Variants in SLC16A10 observed in about 807,000 individuals in gnomAD.
SLC16A10 encodes solute carrier family 16 member 10, also known as monocarboxylate transporter 10.
SLC16A10 carries 27 observed loss-of-function variants against 40.0 expected under a neutral mutation model. The ratio of observed to expected loss-of-function variants is 0.67; its 90% confidence interval spans 0.50 to 0.93. The LOEUF is 0.93. SLC16A10 is among the 40% of genes least tolerant of loss of function. The probability of loss-of-function intolerance (pLI) is 0.00; values close to 1 mark genes in which losing one functional copy is unlikely to be tolerated. For synonymous variants in SLC16A10, 213 were observed against 249.8 expected (o/e 0.85, Z 1.39); for missense variants, 529 against 658.2 (o/e 0.80, Z 2.15).
intron 1 of SLC16A10, among the ~76,000 whole-genome samples, chr6:111,095,335 C>T (rs1471367108): frequency 6.6e-6 from 1 of 152,180 alleles, no homozygotes; most frequent in Non-Finnish European, 1.5e-5. Context: ...TGTCACAATC[C>T]TGGGACACAA....
intron 3 of SLC16A10, among the ~76,000 whole-genome samples, chr6:111,183,055 C>G (rs1772831891): frequency 6.6e-6 from 1 of 152,200 alleles, no homozygotes; most frequent in Non-Finnish European, 1.5e-5. Flanking sequence ...ACATAAGTCA[C>G]TCTGCTCAGA....
chr6:111,150,791 C>G (rs1182978565), intron 1 of SLC16A10, among the ~76,000 whole-genome samples: 1 of 152,164 alleles, frequency 6.6e-6, no homozygotes. Flanking sequence ...TGAGAAGTCC[C>G]TGAATGGATA....
chr6:111,210,506 C>G (rs1773327713), intron 4 of SLC16A10, among the ~76,000 whole-genome samples: 2 of 152,200 alleles, frequency 1.3e-5, no homozygotes, highest in Admixed American at 1.3e-4. Context: ...AGCTTTCATA[C>G]ATTCAAAAAT....
At chr6:111,167,948 T>G (rs1322724380) in intron 1 of SLC16A10, among the ~76,000 whole-genome samples, 1 of 151,958 alleles carries the variant, frequency 6.6e-6, no homozygotes. Flanking sequence ...GTGCTGGGAT[T>G]ATACATATGA....
intron 4 of SLC16A10, among the ~76,000 whole-genome samples, chr6:111,214,472 G>A (rs1414036546): frequency 6.6e-6 from 1 of 152,176 alleles, no homozygotes; most frequent in African/African-American, 2.4e-5. Context: ...ATAGTTTGCC[G>A]AGCGTCGGCA....
intron 1 of SLC16A10, among the ~76,000 whole-genome samples, chr6:111,089,836 A>G (rs1379384977): frequency 1.3e-5 from 2 of 150,348 alleles, no homozygotes; most frequent in Admixed American, 6.6e-5. Flanking sequence ...TGCAGTCAAG[A>G]TAACAGCAGT....
intron 1 of SLC16A10, among the ~76,000 whole-genome samples, chr6:111,170,512 C>T (rs933858110): frequency 2.0e-5 from 3 of 152,258 alleles, no homozygotes; most frequent in South Asian, 4.1e-4. Context: ...CGCAGTGGCG[C>T]GATCTCGGCT....
chr6:111,133,783 A>AG (rs1030204798), intron 1 of SLC16A10, among the ~76,000 whole-genome samples: 19 of 152,274 alleles, frequency 1.2e-4, no homozygotes, highest in Middle Eastern at 6.8e-3. Flanking sequence ...ACATAGACAA[A>AG]GGAGTAAACA....
rs189171498 is a variant in SLC16A10, at chr6:111,175,388, G to A, written c.489-1824G>A. Among the ~76,000 whole-genome samples, 8 of 152,276 alleles carry A rather than the reference G, an allele frequency of 5.3e-5. No individual in the cohort carries two copies. In the East Asian group the frequency reaches 1.4e-3, roughly 26 times the overall value. On this transcript the variant is annotated intron_variant, in intron 2 of 5. Coordinates refer to ENST00000368851, the MANE Select transcript of SLC16A10 (RefSeq NM_018593.5). ...AGAAGCTCTGTGGTTTTCCAACTGA[G>A]AGCATTACAGTACAGTGATACCACT...
chr6:111,100,278 G>A (rs922748108), intron 1 of SLC16A10, among the ~76,000 whole-genome samples: 1 of 152,150 alleles, frequency 6.6e-6, no homozygotes, highest in Non-Finnish European at 1.5e-5. Context: ...AAGAAATGTT[G>A]TGAAATTATC....
At chr6:111,088,152 G>C in intron 1 of SLC16A10, 57 bp downstream of exon 1, 4 of 1,536,904 alleles carry the variant, frequency 2.6e-6, no homozygotes, top group South Asian at 2.4e-5. Flanking sequence ...GCCCCCGAGC[G>C]CATCCCGCGT....
At chr6:111,092,280 G>C (rs1440602061) in intron 1 of SLC16A10, among the ~76,000 whole-genome samples, 1 of 151,368 alleles carries the variant, frequency 6.6e-6, no homozygotes, top group African/African-American at 2.4e-5. Flanking sequence ...CTGTCTGAGG[G>C]AGCAAGCTAA....
At chr6:111,146,339 G>A (rs1451801994) in intron 1 of SLC16A10, among the ~76,000 whole-genome samples, 1 of 152,238 alleles carries the variant, frequency 6.6e-6, no homozygotes, top group Non-Finnish European at 1.5e-5. Flanking sequence ...ATACACTGTG[G>A]ATGGGAATGT....
intron 1 of SLC16A10, among the ~76,000 whole-genome samples, chr6:111,126,375 C>T (rs976124206): frequency 3.3e-5 from 5 of 152,132 alleles, no homozygotes; most frequent in Non-Finnish European, 7.4e-5. Flanking sequence ...CTTTTTCACA[C>T]TAATCCTTTG....
chr6:111,155,338 G>A lies in SLC16A10; in HGVS notation c.344-17357G>A, dbSNP rs1174192917. On this transcript the variant is annotated intron_variant, in intron 1 of 5. Transcript: ENST00000368851. ...GCTGGGACAACAGGTGCATGCCACC[G>A]TGACTGGCTAATTTTAAAAAGTTGT... 3.3e-5 allele frequency among the ~76,000 whole-genome samples: 5 copies of A among 151,502 alleles called. No homozygotes were observed. In the East Asian group the frequency reaches 5.8e-4, roughly 18 times the overall value.
At chr6:111,210,684 A>T (rs1773330833) in intron 4 of SLC16A10, among the ~76,000 whole-genome samples, 1 of 152,180 alleles carries the variant, frequency 6.6e-6, no homozygotes, top group African/African-American at 2.4e-5. Context: ...CTGGAAAGTT[A>T]GAGTGGGTCA....
At chr6:111,147,508 A>C (rs1166460047) in intron 1 of SLC16A10, among the ~76,000 whole-genome samples, 1 of 152,236 alleles carries the variant, frequency 6.6e-6, no homozygotes, top group African/African-American at 2.4e-5. Flanking sequence ...TGTGAGTACC[A>C]TACTAATTAG....
chr6:111,155,911 G>A (rs1257827194), intron 1 of SLC16A10, among the ~76,000 whole-genome samples: 1 of 152,142 alleles, frequency 6.6e-6, no homozygotes, highest in African/African-American at 2.4e-5. Flanking sequence ...CTATTCTCCA[G>A]TAAAAACAAC....
intron 1 of SLC16A10, among the ~76,000 whole-genome samples, chr6:111,106,707 T>A (rs1771289978): frequency 6.6e-6 from 1 of 152,252 alleles, no homozygotes; most frequent in African/African-American, 2.4e-5. Context: ...TCAGCTTTTC[T>A]AAGCTTAATG....
Sources: allele counts gnomAD v4.1 joint callset (sites outside exome capture counted in the v4.1 genomes callset), GRCh38; gene constraint gnomAD v4.1.1; transcripts MANE v1.5; gene names NCBI Gene and HGNC (gene_info 2026-07-23, HGNC 2026-07-21).